SLC24A2: variants seen among roughly 807,000 people sequenced by gnomAD.
SLC24A2 encodes sodium/potassium/calcium exchanger 2.
Under a neutral mutation model 62.0 loss-of-function variants are expected in SLC24A2, and 36 were observed. The ratio of observed to expected loss-of-function variants is 0.58; its 90% CI spans 0.44 to 0.77. The LOEUF (loss-of-function observed/expected upper bound fraction) is 0.77. Ranked by LOEUF, SLC24A2 falls within the 30% of genes least tolerant of loss-of-function variation. The pLI, the probability that SLC24A2 is intolerant of heterozygous loss-of-function variation, is 0.00. For missense variants in SLC24A2, 846 were observed against 817.9 expected, an observed-to-expected ratio of 1.03 and a Z score of -0.42; for synonymous variants, 358 against 294.0, an observed-to-expected ratio of 1.22 and a Z score of -2.23.
At chr9:19,577,550 T>C (rs1836057371) in intron 5 of SLC24A2, among the ~76,000 whole-genome samples, 1 of 152,184 alleles carries the variant, frequency 6.6e-6, no homozygotes, top group Admixed American at 6.5e-5. Flanking sequence ...TGTCTTATAA[T>C]TAACATTGCT....
At chr9:19,821,496 C>G in the SLC24A2 span, among the ~76,000 whole-genome samples, 1 of 152,054 alleles carries the variant, frequency 6.6e-6, no homozygotes, top group East Asian at 1.9e-4. Flanking sequence ...GAGAACAGGA[C>G]TGGCTGAAAA....
chr9:19,771,358 C>A (rs1822681894), intron 2 of SLC24A2, among the ~76,000 whole-genome samples: 1 of 152,150 alleles, frequency 6.6e-6, no homozygotes, highest in Non-Finnish European at 1.5e-5. Context: ...ATTAACACGC[C>A]AAAACATATG....
intron 5 of SLC24A2, among the ~76,000 whole-genome samples, chr9:19,584,176 C>T (rs779824691): frequency 6.6e-6 from 1 of 151,196 alleles, no homozygotes; most frequent in Non-Finnish European, 1.5e-5. Flanking sequence ...CAGGCCTACA[C>T]TGTCTTGCAG....
chr9:20,242,110 G>A, the SLC24A2 span, among the ~76,000 whole-genome samples: 2 of 152,094 alleles, frequency 1.3e-5, no homozygotes, highest in African/African-American at 2.4e-5. Flanking sequence ...TCTGGCAGCC[G>A]CTGGCCAAGC....
the SLC24A2 span, among the ~76,000 whole-genome samples, chr9:20,155,365 T>C: frequency 6.6e-6 from 1 of 151,760 alleles, no homozygotes; most frequent in Non-Finnish European, 1.5e-5. Context: ...ACTCCTAATA[T>C]TGGACTGACT....
the SLC24A2 span, among the ~76,000 whole-genome samples, chr9:19,886,580 A>G: frequency 3.3e-5 from 5 of 152,370 alleles, 2 homozygotes; most frequent in African/African-American, 9.6e-5. Context: ...GGTTGTAGAG[A>G]AATAGGAACG....
the SLC24A2 span, among the ~76,000 whole-genome samples, chr9:19,983,328 C>A: frequency 1.6e-3 from 240 of 152,198 alleles, 1 homozygote; most frequent in African/African-American, 5.7e-3. Flanking sequence ...AGCTAAGTTG[C>A]AGGATAAAAT....
At chr9:20,057,089 G>C in the SLC24A2 span, among the ~76,000 whole-genome samples, 33 of 152,262 alleles carry the variant, frequency 2.2e-4, no homozygotes, top group African/African-American at 7.0e-4. Flanking sequence ...TGAACCCCAA[G>C]TGGGTATATG....
chr9:19,619,605 T>G lies in SLC24A2; in HGVS notation c.1057A>C (p.Thr353Pro), dbSNP rs1452943239. ...TTACCTTCGGCGAGTGGGTCAAGGG[T>G]GTGTATCATGAGTTGGAAGATGCTA... ...RNSIFQLMIH[T>P]LDPLAEELGS... Residue 353 changes from threonine to proline, a missense_variant, in exon 4 of 11, where the codon ACC (threonine) becomes CCC (proline). Physicochemically the swap from Thr to Pro is conservative, Grantham distance 38. Coordinates refer to ENST00000341998, the MANE Select transcript of SLC24A2 (RefSeq NM_020344.4). 4.3e-6 allele frequency: 7 copies of G among 1,613,558 alleles called. No individual in the cohort carries two copies. Among genetic ancestry groups the G allele is most frequent in the Non-Finnish European group, 5.9e-6 (7 of 1,179,682 alleles).
chr9:20,200,142 T>C, the SLC24A2 span, among the ~76,000 whole-genome samples: 1 of 152,086 alleles, frequency 6.6e-6, no homozygotes, highest in East Asian at 1.9e-4. Flanking sequence ...ACATACCTTA[T>C]TGTGTTTAAT....
Position 19,559,748 on chromosome 9 carries a change from C to T in SLC24A2, c.1348-9480G>A, listed in dbSNP as rs886344074. ...ATTTCACAAAGGAAATACCTATAAA[C>T]TCCCACCCAAAACAGTGGCTGGCTC... On this transcript the variant is annotated intron_variant, in intron 7 of 10. Coordinates refer to ENST00000341998, the MANE Select transcript of SLC24A2 (RefSeq NM_020344.4). Among the ~76,000 whole-genome samples, 5 of 152,168 alleles carry T rather than the reference C, an allele frequency of 3.3e-5. No individual in the cohort carries two copies. In the South Asian group the frequency reaches 8.3e-4, roughly 25 times the overall value.
At chr9:19,653,105 C>T (rs895271981) in intron 2 of SLC24A2, among the ~76,000 whole-genome samples, 5 of 152,280 alleles carry the variant, frequency 3.3e-5, no homozygotes, top group Non-Finnish European at 7.4e-5. Flanking sequence ...TGCTCACCCC[C>T]CAAACTTGGA....
chr9:19,535,720 T>C lies in SLC24A2; in HGVS notation c.1480-7582A>G, dbSNP rs1484878095. Among the ~76,000 whole-genome samples the C allele has an allele frequency of 2.0e-5, 3 of 152,316 alleles. No individual in the cohort carries two copies. The East Asian group carries it at 5.8e-4, about 29-fold the overall frequency. On this transcript the variant is annotated intron_variant, in intron 8 of 10. Coordinates refer to ENST00000341998, the MANE Select transcript of SLC24A2 (RefSeq NM_020344.4). ...CTGTTCCATTGGTCTATATACCTGT[T>C]GTGGTACCAGTACCATGCTGTTTTG...
chr9:19,534,188 A>G (rs1437035455), intron 8 of SLC24A2, among the ~76,000 whole-genome samples: 2 of 152,172 alleles, frequency 1.3e-5, no homozygotes, highest in Non-Finnish European at 2.9e-5. Flanking sequence ...ATCACAGTCA[A>G]TGTGGTACAA....
chr9:19,890,017 T>C, the SLC24A2 span, among the ~76,000 whole-genome samples: 12 of 129,978 alleles, frequency 9.2e-5, no homozygotes, highest in Admixed American at 1.5e-4. Flanking sequence ...AGTTCATATC[T>C]TCACTTACCT....
At chr9:20,155,995 A>G in the SLC24A2 span, among the ~76,000 whole-genome samples, 1 of 151,808 alleles carries the variant, frequency 6.6e-6, no homozygotes, top group South Asian at 2.1e-4. Context: ...TATAATTAGA[A>G]TACTTCATCT....
At chr9:19,619,483 G>T in intron 4 of SLC24A2, 101 bp downstream of exon 4, 1 of 916,004 alleles carries the variant, frequency 1.1e-6, no homozygotes, top group Non-Finnish European at 1.8e-6. Flanking sequence ...GAGGAGGCTG[G>T]CAGGCGTGCA....
chr9:20,121,364 TA>T, the SLC24A2 span, among the ~76,000 whole-genome samples: 1 of 152,068 alleles, frequency 6.6e-6, no homozygotes, highest in Non-Finnish European at 1.5e-5. Flanking sequence ...GATGCTATTA[TA>T]AATGAAATTT....
the SLC24A2 span, among the ~76,000 whole-genome samples, chr9:19,944,230 A>G: frequency 1.3e-5 from 2 of 152,176 alleles, no homozygotes; most frequent in Admixed American, 1.3e-4. Flanking sequence ...AAGTAATCAA[A>G]GCAGCTCAAA....
Sources: gnomAD v4.1 joint callset for allele counts (sites outside exome capture counted in the v4.1 genomes callset) on GRCh38, gnomAD v4.1.1 for gene constraint, MANE v1.5 for transcripts, NCBI Gene and HGNC (gene_info 2026-07-23, HGNC 2026-07-21) for gene names.